The following PDE1C variants were observed in gnomAD, a reference collection of about 807,000 sequenced individuals.
PDE1C encodes the protein phosphodiesterase 1C.
In PDE1C, 62 loss-of-function variants were observed where a neutral mutation model predicts 93.1. That is an observed-to-expected ratio of 0.67 (90% CI 0.54 to 0.82). The LOEUF (loss-of-function observed/expected upper bound fraction) is 0.82. PDE1C is among the 40% of genes least tolerant of loss of function. PDE1C has a pLI of 0.00. For synonymous variants in PDE1C, 325 were observed against 310.1 expected, an observed-to-expected ratio of 1.05 and a Z score of -0.50; for missense variants, 742 against 884.6, an observed-to-expected ratio of 0.84 and a Z score of 2.04.
rs144055573 is a variant in PDE1C, at chr7:31,973,564, TTTA to T, written c.128+77987_128+77989del. ...GATAGAATTATAACACAATATAATG[TTTA>T]TAATGTGTTAGATACAAGCCCTTTG... On this transcript the variant is annotated intron_variant, in intron 2 of 17. Transcript: ENST00000396191. Among the ~76,000 whole-genome samples the T allele has an allele frequency of 4.8e-3, 727 of 152,274 alleles. 4 individuals are homozygous for T. Among genetic ancestry groups the T allele is most frequent in the African/African-American group, 0.017 (687 of 41,558 alleles).
rs1319054242 is a variant in PDE1C at position 32,305,679 on chromosome 7, G to T, written c.311-96140C>A. ...CTCTTTCCAGCTGTCCCTGTAGAAG[G>T]AGCATTTCTCATCTGACTCGTTAGA... On this transcript the variant is annotated intron_variant, in intron 1 of 1. Transcript: ENST00000672256. Among the ~76,000 whole-genome samples the T allele has an allele frequency of 2.6e-5, 4 of 152,328 alleles. No individual in the cohort carries two copies. The East Asian group carries it at 5.8e-4, about 22-fold the overall frequency.
At chr7:32,427,471 C>T (rs959904889) in intron 1 of PDE1C, among the ~76,000 whole-genome samples, 25 of 152,284 alleles carry the variant, frequency 1.6e-4, no homozygotes, top group South Asian at 8.3e-4. Flanking sequence ...AATTTCTGGC[C>T]CTTTTCCCAA....
chr7:32,291,903 C>T (rs139921181), intron 1 of PDE1C, among the ~76,000 whole-genome samples: 6 of 152,278 alleles, frequency 3.9e-5, no homozygotes, highest in East Asian at 1.9e-4. Flanking sequence ...GTGACTTACC[C>T]GGGATCAAAG....
chr7:31,714,749 C>G, the PDE1C span, among the ~76,000 whole-genome samples: 1 of 152,192 alleles, frequency 6.6e-6, no homozygotes, highest in Non-Finnish European at 1.5e-5. Flanking sequence ...ATATAACTGT[C>G]AGATCTCATG....
the PDE1C span, among the ~76,000 whole-genome samples, chr7:31,660,052 T>G: frequency 1.3e-5 from 2 of 152,112 alleles, no homozygotes; most frequent in East Asian, 1.9e-4. Context: ...TCCCCCTTTT[T>G]TTTTGGCACC....
chr7:31,622,212 C>A, the PDE1C span, among the ~76,000 whole-genome samples: 1 of 143,004 alleles, frequency 7.0e-6, no homozygotes. Flanking sequence ...AGAAAGTCAA[C>A]AAGGATACCC....
At chr7:31,961,630 T>C (rs1808986186) in intron 2 of PDE1C, among the ~76,000 whole-genome samples, 1 of 152,176 alleles carries the variant, frequency 6.6e-6, no homozygotes, top group Admixed American at 6.5e-5. Flanking sequence ...GTTGCCTGTC[T>C]ATAGTTCCAT....
the PDE1C span, among the ~76,000 whole-genome samples, chr7:31,722,323 A>C: frequency 7.2e-5 from 11 of 152,188 alleles, no homozygotes; most frequent in Non-Finnish European, 1.5e-4. Context: ...ATGGTCTTTA[A>C]CTGAAAGTTC....
chr7:31,969,802 C>T (rs1810637290), intron 2 of PDE1C, among the ~76,000 whole-genome samples: 1 of 152,202 alleles, frequency 6.6e-6, no homozygotes, highest in Non-Finnish European at 1.5e-5. Context: ...CCATGGAATA[C>T]TATGCAGCCA....
downstream of PDE1C, among the ~76,000 whole-genome samples, chr7:31,748,728 G>A (rs1246953977): frequency 2.0e-5 from 3 of 152,130 alleles, no homozygotes; most frequent in Non-Finnish European, 4.4e-5. Context: ...CCTTGCTGAC[G>A]GCACTTGAGG....
At chr7:31,698,783 G>T in the PDE1C span, among the ~76,000 whole-genome samples, 154 of 152,314 alleles carry the variant, frequency 1.0e-3, no homozygotes, top group Admixed American at 2.3e-3. Context: ...GATAGAAATT[G>T]CTTCTTTAGA....
chr7:32,159,505 C>T (rs1186386822), intron 3 of PDE1C, among the ~76,000 whole-genome samples: 1 of 152,160 alleles, frequency 6.6e-6, no homozygotes, highest in African/African-American at 2.4e-5. Context: ...AGTCATTCAT[C>T]ATGGAAAGTT....
At chr7:32,088,289 T>A (rs924509599) in intron 3 of PDE1C, among the ~76,000 whole-genome samples, 4 of 152,348 alleles carry the variant, frequency 2.6e-5, no homozygotes, top group Non-Finnish European at 5.9e-5. Flanking sequence ...GACTTTTTTT[T>A]AATACCAGTT....
At chr7:31,788,499 A>G (rs966596578) in intron 16 of PDE1C, 6 of 152,082 alleles carry the variant, frequency 3.9e-5, no homozygotes, top group African/African-American at 1.4e-4. Flanking sequence ...CACAGCTCAA[A>G]TTCAGTTGCT....
chr7:32,374,230 AAAAG>A (rs1427550224), intron 1 of PDE1C, among the ~76,000 whole-genome samples: 4 of 140,478 alleles, frequency 2.8e-5, no homozygotes, highest in East Asian at 2.1e-4. Context: ...GAAAGAAAGA[AAAAG>A]AAAGAAGGAA....
At chr7:31,790,430 AT>A (rs1390462086) in intron 16 of PDE1C, among the ~76,000 whole-genome samples, 11 of 152,128 alleles carry the variant, frequency 7.2e-5, no homozygotes, top group Non-Finnish European at 1.2e-4. Context: ...GATTTGTTCT[AT>A]TCATAAGGGG....
intron 2 of PDE1C, among the ~76,000 whole-genome samples, chr7:31,928,238 G>GA (rs1480625283): frequency 6.6e-6 from 1 of 151,924 alleles, no homozygotes; most frequent in South Asian, 2.1e-4. Context: ...CAAGATTAGA[G>GA]AAAAAAGAAT....
At chr7:31,997,539 G>C (rs1002932075) in intron 2 of PDE1C, among the ~76,000 whole-genome samples, 51 of 152,210 alleles carry the variant, frequency 3.4e-4, no homozygotes, top group African/African-American at 1.2e-3. Flanking sequence ...AACCTGGGGG[G>C]ATGGTAGCTG....
intron 1 of PDE1C, among the ~76,000 whole-genome samples, chr7:32,070,074 A>C (rs1795850477): frequency 6.6e-6 from 1 of 152,172 alleles, no homozygotes; most frequent in South Asian, 2.1e-4. Flanking sequence ...AAAAAGCATG[A>C]CTTGGAACAG....
Sources: gnomAD v4.1 joint callset for allele counts (sites outside exome capture counted in the v4.1 genomes callset) on GRCh38, gnomAD v4.1.1 for gene constraint, MANE v1.5 for transcripts, NCBI Gene and HGNC (gene_info 2026-07-23, HGNC 2026-07-21) for gene names.